EVC2: variants seen among roughly 807,000 people sequenced by gnomAD.
The protein encoded by EVC2 is EvC ciliary complex subunit 2.
Under a neutral mutation model 149.3 loss-of-function variants are expected in EVC2, and 148 were observed. That is an observed-to-expected ratio of 0.99 (90% confidence interval 0.87 to 1.14). EVC2 has a LOEUF of 1.14. EVC2 is among the 50% of genes most tolerant of loss of function. EVC2 has a pLI of 0.00. For missense variants in EVC2, 1,854 were observed against 1,627.3 expected (o/e 1.14, Z -2.40); for synonymous variants, 776 against 649.9 (o/e 1.19, Z -2.95).
intron 9 of EVC2, among the ~76,000 whole-genome samples, chr4:5,652,147 C>T (rs986747092): frequency 5.9e-5 from 9 of 152,090 alleles, no homozygotes; most frequent in African/African-American, 1.9e-4. Context: ...TAGGGATGGA[C>T]GTGAAGTTGG....
rs1448947296 is a variant in EVC2 at position 5,663,127 on chromosome 4, G to A, written c.1125C>T (p.Ser375=). Residue 375 remains serine, a synonymous_variant, in exon 9 of 22, where the codon AGC becomes AGT. Coordinates refer to ENST00000344408, the MANE Select transcript of EVC2 (RefSeq NM_147127.5). Reference sequence around the variant, plus strand: ...CTTACTCTTCTAAGGCTTGAAGCATGCTCCCAGGGTCCTCGGAAGACAGAA... The same window carrying A: ...CTTACTCTTCTAAGGCTTGAAGCATACTCCCAGGGTCCTCGGAAGACAGAA... ...IDILSSEDPG[S]MLQALEELEI... 2 of 1,614,000 alleles carry A rather than the reference G, an allele frequency of 1.2e-6. No individual in the cohort carries two copies. The highest frequency in any genetic ancestry group is 2.7e-5 in the African/African-American group (2 of 74,918).
intron 7 of EVC2, among the ~76,000 whole-genome samples, chr4:5,680,145 C>A (rs931943998): frequency 1.3e-5 from 2 of 152,124 alleles, no homozygotes; most frequent in Non-Finnish European, 2.9e-5. Flanking sequence ...TTCTAGAATC[C>A]CTCCTGACGG....
At chr4:5,700,579 G>A (rs980468250) in intron 1 of EVC2, among the ~76,000 whole-genome samples, 1 of 152,142 alleles carries the variant, frequency 6.6e-6, no homozygotes, top group African/African-American at 2.4e-5. Flanking sequence ...AAAGGACCCA[G>A]GCTGACCTCC....
intron 6 of EVC2, among the ~76,000 whole-genome samples, chr4:5,683,920 G>A (rs777935998): frequency 8.0e-5 from 12 of 150,398 alleles, no homozygotes; most frequent in Middle Eastern, 3.4e-3. Context: ...AGCTGCCCGG[G>A]AACACACACA....
chr4:5,593,902 C>A (rs554611511), intron 16 of EVC2, among the ~76,000 whole-genome samples: 10 of 152,218 alleles, frequency 6.6e-5, no homozygotes, highest in African/African-American at 9.7e-5. Flanking sequence ...TAAAAAACGA[C>A]GCACCAGGAG....
At chr4:5,676,247 G>A (rs1313196482) in intron 7 of EVC2, among the ~76,000 whole-genome samples, 1 of 152,168 alleles carries the variant, frequency 6.6e-6, no homozygotes, top group Non-Finnish European at 1.5e-5. Context: ...GAGAAAAAAT[G>A]AGAAACAATT....
At position 5,613,927 on chromosome 4, in the gene EVC2, A is replaced by T. The variant is rs1164088731; in HGVS notation, c.2829+1495T>A. Among the ~76,000 whole-genome samples, 1 of 152,150 alleles carries T rather than the reference A, an allele frequency of 6.6e-6. No homozygotes were observed. The highest frequency in any genetic ancestry group is 2.4e-5 in the African/African-American group (1 of 41,426). ...AGCAGTTTCTATGGCTCTTGGCGAG[A>T]TCGTGCATTCGTGTTCTGAGAAATA... On this transcript the variant is annotated intron_variant, in intron 16 of 21. Coordinates refer to ENST00000344408, the MANE Select transcript of EVC2 (RefSeq NM_147127.5). This position sits in a 1 kb window ranked among gnomAD's most constrained non-coding sequence, Gnocchi z 4.6.
chr4:5,571,900 C>G (rs919767306), intron 19 of EVC2, among the ~76,000 whole-genome samples: 1 of 152,178 alleles, frequency 6.6e-6, no homozygotes, highest in South Asian at 2.1e-4. Context: ...CTGGAGAGAA[C>G]AAGAAGGCTG....
rs1421396662 is a variant in EVC2, at chr4:5,637,490, A to G, written c.1470+3024T>C. Among the ~76,000 whole-genome samples the G allele has an allele frequency of 1.3e-5, 2 of 152,172 alleles. No homozygotes were observed. The highest frequency in any genetic ancestry group is 4.8e-5 in the African/African-American group (2 of 41,438). ...ATGTGCTTGGAACAATGCCAGACAC[A>G]CCATGCATGCTAAGGAAGGATGAGC... is the stretch of plus-strand genomic sequence containing the variant. On this transcript the variant is annotated intron_variant, in intron 10 of 21. Coordinates refer to ENST00000344408, the MANE Select transcript of EVC2 (RefSeq NM_147127.5). This position sits in a 1 kb window ranked among gnomAD's most constrained non-coding sequence, Gnocchi z 4.4.
chr4:5,709,343 G>C (rs2151751374), upstream of EVC2: 1 of 152,394 alleles, frequency 6.6e-6, no homozygotes, highest in East Asian at 1.9e-4. Flanking sequence ...TAGGTCCTGG[G>C]TGACAGCTGA....
rs759012140 is a variant in EVC2 at position 5,670,085 on chromosome 4, T to C, written c.871-4436A>G. On this transcript the variant is annotated intron_variant, in intron 7 of 21. Coordinates refer to ENST00000344408, the MANE Select transcript of EVC2 (RefSeq NM_147127.5). This position sits in a 1 kb window ranked among gnomAD's most constrained non-coding sequence, Gnocchi z 5.2. ...TGCCTACAATGCCTCTACTCTTCAA[T>C]CTTCTTCCTCAGTGAAGAATGACCA... 2.0e-5 allele frequency among the ~76,000 whole-genome samples: 3 copies of C among 152,238 alleles called. No homozygotes were observed. Among genetic ancestry groups the C allele is most frequent in the Non-Finnish European group, 2.9e-5 (2 of 68,046 alleles).
downstream of EVC2, among the ~76,000 whole-genome samples, chr4:5,540,499 C>A (rs1224579728): frequency 6.6e-6 from 1 of 152,148 alleles, no homozygotes; most frequent in Non-Finnish European, 1.5e-5. Context: ...AAATAATGAA[C>A]CATTGATACA....
chr4:5,543,684 G>A (rs762200226), intron 21 of EVC2, among the ~76,000 whole-genome samples: 1 of 152,144 alleles, frequency 6.6e-6, no homozygotes, highest in Non-Finnish European at 1.5e-5. Flanking sequence ...AGAACCATAG[G>A]GGTGGGGGAT....
chr4:5,559,143 A>C (rs1251912939), downstream of EVC2, among the ~76,000 whole-genome samples: 2 of 152,158 alleles, frequency 1.3e-5, no homozygotes, highest in Non-Finnish European at 2.9e-5. The surrounding 1 kb of genome is among the most constrained non-coding windows in gnomAD (Gnocchi z 5.0). Context: ...TGGAAAGTCA[A>C]GGCTGCAGTA....
At chr4:5,584,067 C>T (rs919723267) in intron 17 of EVC2, among the ~76,000 whole-genome samples, 8 of 151,922 alleles carry the variant, frequency 5.3e-5, no homozygotes, top group African/African-American at 1.7e-4. Context: ...ACTAGGGTTT[C>T]AATAAATGTG....
chr4:5,538,051 T>C (rs1252244165), downstream of EVC2, among the ~76,000 whole-genome samples: 1 of 139,928 alleles, frequency 7.1e-6, no homozygotes, highest in East Asian at 2.1e-4. Flanking sequence ...CAAACTGATC[T>C]GGAAAGAAAT....
Position 5,622,696 on chromosome 4 carries a change from C to T in EVC2, c.2342G>A (p.Gly781Asp), listed in dbSNP as rs781305791. The change falls in exon 14 of 22, where the codon GGC becomes GAC. Residue 781 changes from glycine to aspartate, a missense_variant. Gly to Asp is a moderately conservative substitution (Grantham distance 94). Transcript: ENST00000344408. This position sits in a 1 kb window ranked among gnomAD's most constrained non-coding sequence, Gnocchi z 5.8. ...LFLQQILEEH[G>D]KEMAARAEQL... ...CTCGGCCCGTGCAGCCATCTCCTTGCCGTGCTCCTCCAGGATCTGCTGCAG... is the reference window on the plus strand; with the variant it reads ...CTCGGCCCGTGCAGCCATCTCCTTGTCGTGCTCCTCCAGGATCTGCTGCAG... 4.3e-6 allele frequency: 7 copies of T among 1,614,048 alleles called. No individual in the cohort carries two copies. In the East Asian group the frequency reaches 1.1e-4, roughly 26 times the overall value.
At chr4:5,646,396 G>A (rs1717716447) in intron 9 of EVC2, among the ~76,000 whole-genome samples, 1 of 151,756 alleles carries the variant, frequency 6.6e-6, no homozygotes, top group Non-Finnish European at 1.5e-5. Context: ...ACTTTTTAAT[G>A]GCTTTTTTTT....
rs1204403126 is a variant in EVC2 at position 5,657,155 on chromosome 4, C to T, written c.1145+5952G>A. ...GGGAGGCCCACCAGCCTCACACGGG[C>T]ACTCCATGTTGCTCAGCAAGTCTGG... is the stretch of plus-strand genomic sequence containing the variant. On this transcript the variant is annotated intron_variant, in intron 9 of 21. Coordinates refer to ENST00000344408, the MANE Select transcript of EVC2 (RefSeq NM_147127.5). This position sits in a 1 kb window ranked among gnomAD's most constrained non-coding sequence, Gnocchi z 4.7. 6.6e-6 allele frequency among the ~76,000 whole-genome samples: 1 copy of T among 152,158 alleles called. No homozygotes were observed. The highest frequency in any genetic ancestry group is 6.5e-5 in the Admixed American group (1 of 15,280).
Sources: allele counts gnomAD v4.1 joint callset (sites outside exome capture counted in the v4.1 genomes callset), GRCh38; gene constraint gnomAD v4.1.1; non-coding constraint Gnocchi (gnomAD v3.1); transcripts MANE v1.5; gene names NCBI Gene and HGNC (gene_info 2026-07-23, HGNC 2026-07-21).